The following RBFOX1 variants were observed in gnomAD, a reference collection of about 807,000 sequenced individuals.
The protein encoded by RBFOX1 is RNA binding protein fox-1 homolog 1.
In RBFOX1, 8 loss-of-function variants were observed where a neutral mutation model predicts 57.7. The observed-to-expected ratio is 0.14, with a 90% CI of 0.08 to 0.25. The LOEUF is 0.25. RBFOX1 is among the 10% of genes least tolerant of loss of function. RBFOX1 has a pLI of 1.00. For missense variants in RBFOX1, 611 were observed against 548.5 expected (o/e 1.11, Z -1.14); for synonymous variants, 326 against 222.4 (o/e 1.47, Z -4.15).
intron 3 of RBFOX1, among the ~76,000 whole-genome samples, chr16:5,761,750 A>G (rs573375235): frequency 1.3e-5 from 2 of 152,306 alleles, no homozygotes; most frequent in African/African-American, 2.4e-5. Flanking sequence ...AGCAAACTCT[A>G]TCAGGCTCTT....
At chr16:6,394,485 C>CA (rs2092737002) in intron 2 of RBFOX1, among the ~76,000 whole-genome samples, 1 of 146,160 alleles carries the variant, frequency 6.8e-6, no homozygotes, top group African/African-American at 2.5e-5. Context: ...ATTTACCCCC[C>CA]AGAATAGCAG....
At chr16:5,248,222 C>T (rs144807912) in intron 1 of RBFOX1, among the ~76,000 whole-genome samples, 115 of 152,348 alleles carry the variant, frequency 7.5e-4, no homozygotes, top group African/African-American at 2.6e-3. Context: ...TGGAAATTAA[C>T]ATTTCCCCCA....
chr16:7,630,576 G>A, intron 10 of RBFOX1, 27 bp from the exon 11 acceptor site: 1 of 1,613,642 alleles, frequency 6.2e-7, no homozygotes, highest in Non-Finnish European at 8.5e-7. Context: ...TCCCAAACCA[G>A]ATACCATCTC....
chr16:6,303,232 T>G (rs2079031808), intron 1 of RBFOX1, among the ~76,000 whole-genome samples: 1 of 152,200 alleles, frequency 6.6e-6, no homozygotes, highest in African/African-American at 2.4e-5. Context: ...TTTCATAGCT[T>G]AGTTCCGATC....
chr16:6,478,388 AATATATATATATATATATATATAT>A (rs71406379), intron 2 of RBFOX1, among the ~76,000 whole-genome samples: 1 of 41,572 alleles, frequency 2.4e-5, no homozygotes, highest in Admixed American at 3.3e-4. Flanking sequence ...ACACCCAGCT[AATATATATATATATATATATATAT>A]ATATATATAT....
At chr16:5,448,162 T>C (rs2068309784) in intron 1 of RBFOX1, among the ~76,000 whole-genome samples, 2 of 152,354 alleles carry the variant, frequency 1.3e-5, no homozygotes, top group South Asian at 4.1e-4. Context: ...GCCTAATTTT[T>C]GGAAATTCTG....
chr16:7,268,074 C>T (rs968344852), intron 4 of RBFOX1, among the ~76,000 whole-genome samples: 2 of 152,132 alleles, frequency 1.3e-5, no homozygotes, highest in African/African-American at 2.4e-5. Context: ...ATCTAGGCTA[C>T]AAAGCTAGCA....
Position 7,181,626 on chromosome 16 carries a change from G to A in RBFOX1, c.27+129528G>A, listed in dbSNP as rs553271189. Among the ~76,000 whole-genome samples, 17 of 151,834 alleles carry A rather than the reference G, an allele frequency of 1.1e-4. No homozygotes were observed. The East Asian group carries it at 1.2e-3, about 10-fold the overall frequency. ...TGCCCAGGCTGGAGTGCAGTGGTGC[G>A]ATCTTGGCTCACTGCAACCTCTGCC... On this transcript the variant is annotated intron_variant, in intron 4 of 15. Transcript: ENST00000550418.
downstream of RBFOX1, chr16:5,601,460 A>C (rs1485178975): frequency 6.6e-6 from 1 of 152,248 alleles, no homozygotes; most frequent in Non-Finnish European, 1.5e-5. Flanking sequence ...GTAGCCTCAG[A>C]TGTCCTATGC....
intron 3 of RBFOX1, among the ~76,000 whole-genome samples, chr16:7,021,283 C>T (rs896837817): frequency 1.9e-4 from 28 of 149,448 alleles, no homozygotes; most frequent in Non-Finnish European, 3.1e-4. Context: ...CTCTTGGTTT[C>T]ATTTTATTTT....
At chr16:6,593,093 G>A (rs2097735467) in intron 2 of RBFOX1, among the ~76,000 whole-genome samples, 1 of 152,184 alleles carries the variant, frequency 6.6e-6, no homozygotes, top group Admixed American at 6.5e-5. Flanking sequence ...TTGGGATGCT[G>A]AGGCAGGAGA....
chr16:6,075,894 G>C (rs1013502981), intron 1 of RBFOX1, among the ~76,000 whole-genome samples: 1 of 152,148 alleles, frequency 6.6e-6, no homozygotes, highest in Non-Finnish European at 1.5e-5. Flanking sequence ...ATTGTGCACT[G>C]TCTCATTTAA....
At chr16:6,261,258 G>A (rs945768014) in intron 1 of RBFOX1, among the ~76,000 whole-genome samples, 1 of 152,188 alleles carries the variant, frequency 6.6e-6, no homozygotes, top group Non-Finnish European at 1.5e-5. Flanking sequence ...AAAAGTCCTG[G>A]CATATCCTCA....
intron 4 of RBFOX1, among the ~76,000 whole-genome samples, chr16:7,263,614 G>A (rs2095010937): frequency 1.3e-5 from 2 of 151,994 alleles, no homozygotes; most frequent in Admixed American, 1.3e-4. Flanking sequence ...GAGGTAGAAA[G>A]AGGCTGGGAA....
At chr16:6,360,932 T>G (rs7188805) in intron 2 of RBFOX1, among the ~76,000 whole-genome samples, 47,431 of 151,740 alleles carry the variant, frequency 0.31, 8,164 homozygotes, top group African/African-American at 0.46. Context: ...ACTTCAGGGG[T>G]GGTCCTTTCA....
chr16:5,942,885 C>A (rs1377419630), intron 4 of RBFOX1, among the ~76,000 whole-genome samples: 1 of 152,130 alleles, frequency 6.6e-6, no homozygotes, highest in Non-Finnish European at 1.5e-5. Flanking sequence ...ATTGTGGTTG[C>A]CATCTTTATT....
intron 1 of RBFOX1, among the ~76,000 whole-genome samples, chr16:6,203,375 T>C (rs988497914): frequency 6.6e-6 from 1 of 152,166 alleles, no homozygotes; most frequent in African/African-American, 2.4e-5. Flanking sequence ...GCTTATTTCA[T>C]TCAGCATTAT....
At position 6,198,370 on chromosome 16, in the gene RBFOX1, C is replaced by T. The variant is rs375045425; in HGVS notation, c.-126-118625C>T. Among the ~76,000 whole-genome samples, 5 of 152,304 alleles carry T rather than the reference C, an allele frequency of 3.3e-5. No individual in the cohort carries two copies. In the South Asian group the frequency reaches 1.0e-3, roughly 32 times the overall value. ...CACATAGGCAGGAATGCTCTCTAAA[C>T]ATAATCAGCATATTACATGTTTTGT... On this transcript the variant is annotated intron_variant, in intron 1 of 15. Coordinates refer to ENST00000550418, the MANE Select transcript of RBFOX1 (RefSeq NM_018723.4).
At chr16:6,102,698 A>C (rs1160631007) in intron 1 of RBFOX1, among the ~76,000 whole-genome samples, 4 of 152,204 alleles carry the variant, frequency 2.6e-5, no homozygotes, top group African/African-American at 9.7e-5. Context: ...ACGGTTATTG[A>C]ATCATTTTCG....
Sources: allele counts gnomAD v4.1 joint callset (sites outside exome capture counted in the v4.1 genomes callset), GRCh38; gene constraint gnomAD v4.1.1; transcripts MANE v1.5; gene names NCBI Gene and HGNC (gene_info 2026-07-23, HGNC 2026-07-21).